The following ZC3H18 variants were observed in gnomAD, a reference collection of about 807,000 sequenced individuals.
ZC3H18 encodes the protein zinc finger CCCH domain-containing protein 18.
In ZC3H18, 8 loss-of-function variants were observed where a neutral mutation model predicts 106.1. The observed-to-expected ratio is 0.08, with a 90% CI of 0.04 to 0.14. The LOEUF is 0.14. Ranked by LOEUF, ZC3H18 falls within the 10% of genes least tolerant of loss-of-function variation. The probability of loss-of-function intolerance (pLI) is 1.00; values close to 1 mark genes in which losing one functional copy is unlikely to be tolerated. For missense variants in ZC3H18, 1,318 were observed against 1,278.4 expected (o/e 1.03, Z -0.47); for synonymous variants, 635 against 522.1 (o/e 1.22, Z -2.95).
intron 16 of ZC3H18, among the ~76,000 whole-genome samples, chr16:88,629,816 C>T (rs1209734463): frequency 6.6e-6 from 1 of 152,226 alleles, no homozygotes; most frequent in East Asian, 1.9e-4. Context: ...GACAAGGGGG[C>T]CTGGCCACCC....
At position 88,611,424 on chromosome 16, in the gene ZC3H18, C is replaced by T. The variant is rs138097829; in HGVS notation, c.1363C>T (p.Arg455Cys). Reference sequence around the variant, plus strand: ...GCAGCGGAGGAAGGAGGAGTGGGAGCGTGAGCGAGCCAAGCGGGACGAGAA... The same window carrying T: ...GCAGCGGAGGAAGGAGGAGTGGGAGTGTGAGCGAGCCAAGCGGGACGAGAA... ...ERQRRKEEWERERAKRDEKDR... is the reference protein window; with the variant it reads ...ERQRRKEEWECERAKRDEKDR... Residue 455 changes from arginine (R) to cysteine (C), a missense_variant, in exon 8 of 18, where the codon CGT becomes TGT. By Grantham distance (180) the Arg-to-Cys change is radical. Around this residue, in one of 6 missense-constraint regions of ZC3H18, gnomAD observed 848 missense variants for 821.7 expected, o/e 1.03. Coordinates refer to ENST00000301011, the MANE Select transcript of ZC3H18 (RefSeq NM_144604.4). 4.2e-6 allele frequency: 6 copies of T among 1,414,436 alleles called. No homozygotes were observed. The highest frequency in any genetic ancestry group is 2.5e-5 in the East Asian group (1 of 40,252). The allele number at this position is 1,414,436 out of a possible 1,614,324, so 87.6% of individuals were successfully genotyped here.
chr16:88,600,093 T>C, intron 6 of ZC3H18, 145 bp downstream of exon 6: 1 of 1,063,702 alleles, frequency 9.4e-7, no homozygotes, highest in African/African-American at 1.6e-5. Context: ...CCTGAGAGCA[T>C]TCAGGCACGG....
chr16:88,574,775 A>G (rs914942681), intron 1 of ZC3H18, among the ~76,000 whole-genome samples: 33 of 149,436 alleles, frequency 2.2e-4, no homozygotes, highest in Middle Eastern at 3.4e-3. Flanking sequence ...CAGCCTCCCA[A>G]AGTGCTGGGA....
chr16:88,603,450 A>G (rs60102864), intron 6 of ZC3H18, among the ~76,000 whole-genome samples: 134,099 of 150,768 alleles, frequency 0.89, 59,756 homozygotes, highest in Admixed American at 0.92. Context: ...GTGAAACCCC[A>G]TCTCTACTAA....
At chr16:88,629,139 G>A (rs1318642933) in intron 16 of ZC3H18, among the ~76,000 whole-genome samples, 2 of 152,254 alleles carry the variant, frequency 1.3e-5, no homozygotes, top group Non-Finnish European at 2.9e-5. Context: ...AGGAGTTCCA[G>A]ACCGGCCTGG....
At chr16:88,601,914 G>A (rs1055661346) in intron 6 of ZC3H18, among the ~76,000 whole-genome samples, 2 of 152,152 alleles carry the variant, frequency 1.3e-5, no homozygotes, top group Non-Finnish European at 2.9e-5. Flanking sequence ...AGAACTGTCA[G>A]GGTTCTGCCA....
chr16:88,630,773 C>T (rs1597364931), intron 17 of ZC3H18, among the ~76,000 whole-genome samples, 192 bp downstream of exon 17: 1 of 139,950 alleles, frequency 7.1e-6, no homozygotes, highest in Non-Finnish European at 1.6e-5. Flanking sequence ...CCCACACACA[C>T]ACACACGCTC....
intron 2 of ZC3H18, among the ~76,000 whole-genome samples, chr16:88,585,052 A>T (rs1915356273): frequency 1.3e-5 from 2 of 152,244 alleles, no homozygotes; most frequent in Admixed American, 1.3e-4. Context: ...TTACTGTAAG[A>T]ATAGTAGTAA....
At chr16:88,628,296 G>A (rs546351858) in intron 15 of ZC3H18, among the ~76,000 whole-genome samples, 177 bp downstream of exon 15, 2 of 152,344 alleles carry the variant, frequency 1.3e-5, no homozygotes, top group East Asian at 3.9e-4. Flanking sequence ...GGGCTGGGAA[G>A]TGTGAGCATC....
chr16:88,577,393 G>C lies in ZC3H18; in HGVS notation c.270G>C (p.Arg90=). ...DQDSEVNELS[R]GPTSSPCEEE... ...ACTCAGAGGTGAATGAGCTGAGCCG[G>C]GGCCCGACCAGCTCCCCCTGCGAGG... The change falls in exon 2 of 18, where the codon CGG becomes CGC. Residue 90 remains arginine, a synonymous_variant. Coordinates refer to ENST00000301011, the MANE Select transcript of ZC3H18 (RefSeq NM_144604.4). The C allele has an allele frequency of 6.3e-7, 1 of 1,597,842 alleles. No individual in the cohort carries two copies. Among genetic ancestry groups the C allele is most frequent in the South Asian group, 1.1e-5 (1 of 89,272 alleles).
At chr16:88,625,077 C>T in intron 12 of ZC3H18, 125 bp from the exon 13 acceptor site, 1 of 1,149,368 alleles carries the variant, frequency 8.7e-7, no homozygotes, top group Non-Finnish European at 1.3e-6. Flanking sequence ...AGGCCCAGGC[C>T]CTGTTCCAAG....
At chr16:88,603,548 G>C (rs1904856321) in intron 6 of ZC3H18, among the ~76,000 whole-genome samples, 1 of 151,104 alleles carries the variant, frequency 6.6e-6, no homozygotes, top group African/African-American at 2.4e-5. Flanking sequence ...GCTCGAACCT[G>C]GGAGGCGGAG....
At chr16:88,585,333 T>C (rs531494661) in intron 2 of ZC3H18, among the ~76,000 whole-genome samples, 71 of 152,360 alleles carry the variant, frequency 4.7e-4, no homozygotes, top group African/African-American at 1.7e-3. Flanking sequence ...ATCCAGGGTT[T>C]GGTTTCAGCA....
chr16:88,611,142 G>A lies in ZC3H18; in HGVS notation c.1207-126G>A, dbSNP rs1905249511. On this transcript the variant is annotated intron_variant, in intron 7 of 17. Transcript: ENST00000301011. ...GGGAGCACTTGGCGTTTTGTGTGTAGGTTTGTGGGGTACAGGTGTGATTCT... is the reference window on the plus strand; with the variant it reads ...GGGAGCACTTGGCGTTTTGTGTGTAAGTTTGTGGGGTACAGGTGTGATTCT... 3 of 681,286 alleles carry A rather than the reference G, an allele frequency of 4.4e-6. No individual in the cohort carries two copies. In the South Asian group the frequency reaches 5.2e-5, roughly 12 times the overall value. The allele number at this position is 681,286 out of a possible 1,614,324, so 42.2% of individuals were successfully genotyped here.
At chr16:88,580,813 G>A (rs1915081840) in intron 2 of ZC3H18, among the ~76,000 whole-genome samples, 1 of 152,184 alleles carries the variant, frequency 6.6e-6, no homozygotes, top group African/African-American at 2.4e-5. Context: ...TCTGCGTGTG[G>A]TGCAAAGTGT....
At chr16:88,611,673 G>A (rs768875992) in intron 8 of ZC3H18, 137 bp downstream of exon 8, 20 of 1,340,040 alleles carry the variant, frequency 1.5e-5, no homozygotes, top group Middle Eastern at 2.7e-4. Flanking sequence ...CCCACAGCCC[G>A]AGCCCATAGT....
At chr16:88,602,805 A>T (rs1904815394) in intron 6 of ZC3H18, among the ~76,000 whole-genome samples, 3 of 152,154 alleles carry the variant, frequency 2.0e-5, no homozygotes, top group Admixed American at 1.3e-4. Context: ...TAGCCACCTG[A>T]TGTTGAGTTT....
intron 1 of ZC3H18, among the ~76,000 whole-genome samples, chr16:88,573,014 C>T (rs1041967081): frequency 6.6e-6 from 1 of 152,058 alleles, no homozygotes; most frequent in Non-Finnish European, 1.5e-5. Context: ...GCTTCAGCCT[C>T]CCAAAGTGCT....
At chr16:88,599,007 C>G (rs932576696) in intron 5 of ZC3H18, among the ~76,000 whole-genome samples, 4 of 152,148 alleles carry the variant, frequency 2.6e-5, no homozygotes, top group Non-Finnish European at 5.9e-5. Context: ...TACAGGCATG[C>G]GCCACCAGGC....
Sources: gnomAD v4.1 joint callset for allele counts (sites outside exome capture counted in the v4.1 genomes callset) on GRCh38, gnomAD v4.1.1 for gene constraint, gnomAD v4.1.1 regional missense constraint, MANE v1.5 for transcripts, NCBI Gene and HGNC (gene_info 2026-07-23, HGNC 2026-07-21) for gene names.